UBASH3B: variants seen among roughly 807,000 people sequenced by gnomAD.
UBASH3B encodes the protein ubiquitin-associated and SH3 domain-containing protein B.
Under a neutral mutation model 83.4 loss-of-function variants are expected in UBASH3B, and 37 were observed. The ratio of observed to expected loss-of-function variants is 0.44; its 90% CI spans 0.34 to 0.58. The LOEUF (loss-of-function observed/expected upper bound fraction) is 0.58, where lower values mean the gene tolerates loss of function less well. Ranked by LOEUF, UBASH3B falls within the 20% of genes least tolerant of loss-of-function variation. The pLI is 0.01. For synonymous variants in UBASH3B, 304 were observed against 318.3 expected, an observed-to-expected ratio of 0.96 and a Z score of 0.48; for missense variants, 657 against 827.2, an observed-to-expected ratio of 0.79 and a Z score of 2.52.
intron 1 of UBASH3B, among the ~76,000 whole-genome samples, chr11:122,732,856 A>T (rs1860865203): frequency 2.6e-5 from 4 of 152,234 alleles, no homozygotes; most frequent in Admixed American, 2.6e-4. Context: ...ATAGATTCTA[A>T]TCAATAGCTC....
At chr11:122,704,940 G>A (rs908634885) in intron 1 of UBASH3B, among the ~76,000 whole-genome samples, 3 of 152,268 alleles carry the variant, frequency 2.0e-5, no homozygotes, top group South Asian at 4.1e-4. Context: ...AGAAAAGAAG[G>A]TCACTCTGAT....
intron 1 of UBASH3B, among the ~76,000 whole-genome samples, chr11:122,719,776 C>A (rs1860590308): frequency 6.6e-6 from 1 of 152,184 alleles, no homozygotes; most frequent in South Asian, 2.1e-4. Context: ...GTCACACTGC[C>A]CCCCAAAGCT....
intron 1 of UBASH3B, among the ~76,000 whole-genome samples, chr11:122,697,900 A>G (rs1288604445): frequency 6.6e-6 from 1 of 152,164 alleles, no homozygotes; most frequent in Non-Finnish European, 1.5e-5. Flanking sequence ...TCCTCATTTA[A>G]TTCTCAAACA....
chr11:122,699,314 A>G (rs77446576), intron 1 of UBASH3B, among the ~76,000 whole-genome samples: 1 of 152,162 alleles, frequency 6.6e-6, no homozygotes, highest in Non-Finnish European at 1.5e-5. Context: ...AGAACTCACA[A>G]CTCAGAGGAG....
At chr11:122,751,069 C>T (rs1861191258) in intron 1 of UBASH3B, among the ~76,000 whole-genome samples, 1 of 151,952 alleles carries the variant, frequency 6.6e-6, no homozygotes, top group South Asian at 2.1e-4. Flanking sequence ...AAGAACCGTA[C>T]CACGCGCCTG....
rs1389342371 is a variant in UBASH3B at position 122,777,059 on chromosome 11, AC to A, written c.256del (p.Leu86CysfsTer15). The A allele has an allele frequency of 1.2e-6, 2 of 1,611,370 alleles. No homozygotes were observed. Among genetic ancestry groups the A allele is most frequent in the Non-Finnish European group, 1.7e-6 (2 of 1,178,956 alleles). ...CATGTCGGTGACCCCTTCCTGGATG[AC>A]CCCCTGCCCCGGGAGTACGTCCTCT... ...FSHVGDPFLD[D>X]PLPREYVLYL... On this transcript the variant is annotated frameshift_variant, in exon 3 of 14. Transcript: ENST00000284273. LOFTEE classifies it high-confidence loss of function.
chr11:122,791,776 A>G (rs931453632), intron 6 of UBASH3B, among the ~76,000 whole-genome samples: 3 of 152,194 alleles, frequency 2.0e-5, no homozygotes, highest in African/African-American at 4.8e-5. Flanking sequence ...CTGGGGGTCA[A>G]TGATTTTGAC....
chr11:122,661,753 C>A (rs1037848221), intron 1 of UBASH3B, among the ~76,000 whole-genome samples: 3 of 151,484 alleles, frequency 2.0e-5, no homozygotes, highest in Non-Finnish European at 4.4e-5. Context: ...GAGTTCAGGA[C>A]GTGTCTAGAG....
chr11:122,692,032 G>A (rs925735192), intron 1 of UBASH3B, among the ~76,000 whole-genome samples: 4 of 152,136 alleles, frequency 2.6e-5, no homozygotes, highest in Non-Finnish European at 4.4e-5. Flanking sequence ...TTCAGGCCTC[G>A]TTCCATGTGC....
intron 1 of UBASH3B, among the ~76,000 whole-genome samples, chr11:122,697,464 A>G (rs1863978215): frequency 6.6e-6 from 1 of 152,174 alleles, no homozygotes; most frequent in Admixed American, 6.6e-5. Context: ...ATCCCAGTAT[A>G]TGGTCTGCAC....
At chr11:122,794,550 T>C in intron 6 of UBASH3B, 152 bp from the exon 7 acceptor site, 1 of 965,986 alleles carries the variant, frequency 1.0e-6, no homozygotes, top group East Asian at 2.5e-5. Context: ...TATTTTTCCC[T>C]TAGGAATGAG....
At chr11:122,699,531 CTCTTTCTTTCTT>C (rs60346108) in intron 1 of UBASH3B, among the ~76,000 whole-genome samples, 5,644 of 107,862 alleles carry the variant, frequency 0.052, 125 homozygotes, top group South Asian at 0.074. Context: ...TTCTTTCTTT[CTCTTTCTTTCTT>C]TCTTTCTTTC....
chr11:122,790,964 A>G (rs2135164384), intron 6 of UBASH3B, among the ~76,000 whole-genome samples: 1 of 151,570 alleles, frequency 6.6e-6, no homozygotes, highest in Non-Finnish European at 1.5e-5. Flanking sequence ...AAAAAAAAAA[A>G]GTGGAGGTAT....
At chr11:122,735,640 A>C (rs183700770) in intron 1 of UBASH3B, among the ~76,000 whole-genome samples, 2 of 152,356 alleles carry the variant, frequency 1.3e-5, no homozygotes, top group Non-Finnish European at 2.9e-5. Context: ...AGTAGCAACA[A>C]CTAATTCCAC....
intron 1 of UBASH3B, among the ~76,000 whole-genome samples, chr11:122,730,504 C>G (rs908972047): frequency 6.6e-6 from 1 of 152,176 alleles, no homozygotes; most frequent in African/African-American, 2.4e-5. Context: ...AAGCCAAACC[C>G]CCTCACAGAG....
chr11:122,687,580 C>T (rs1863825213), intron 1 of UBASH3B, among the ~76,000 whole-genome samples: 1 of 152,184 alleles, frequency 6.6e-6, no homozygotes, highest in Non-Finnish European at 1.5e-5. Flanking sequence ...ACTGCATGTC[C>T]TCTGCTATGC....
At position 122,811,154 on chromosome 11, in the gene UBASH3B, C is replaced by CAATCAA. The variant is rs1298846007; in HGVS notation, c.*1270_*1275dup. ...GAGTTTATTTAAAAGAAATAAATGA[C>CAATCAA]AATCAAACCAAATCATCAGTTATCA... is the stretch of plus-strand genomic sequence containing the variant. On this transcript the variant is annotated 3_prime_UTR_variant, in exon 14 of 14. Transcript: ENST00000284273. The CAATCAA allele has an allele frequency of 6.6e-6, 1 of 152,610 alleles. No homozygotes were observed. Among genetic ancestry groups the CAATCAA allele is most frequent in the Non-Finnish European group, 1.5e-5 (1 of 68,040 alleles). The allele number at this position is 152,610 out of a possible 1,614,324, so 9.5% of individuals were successfully genotyped here.
At chr11:122,778,015 C>T (rs1440031996) in intron 3 of UBASH3B, among the ~76,000 whole-genome samples, 1 of 152,166 alleles carries the variant, frequency 6.6e-6, no homozygotes, top group Non-Finnish European at 1.5e-5. Context: ...TAGGCATGAG[C>T]CACCATGCCT....
intron 1 of UBASH3B, among the ~76,000 whole-genome samples, chr11:122,761,779 CTTTTTTTTT>C (rs138806467): frequency 9.2e-5 from 6 of 65,378 alleles, no homozygotes; most frequent in African/African-American, 2.0e-4. Flanking sequence ...CTCCCAGATC[CTTTTTTTTT>C]TTTTTTTTTT....
Sources: allele counts gnomAD v4.1 joint callset (sites outside exome capture counted in the v4.1 genomes callset), GRCh38; gene constraint gnomAD v4.1.1; transcripts MANE v1.5; gene names NCBI Gene and HGNC (gene_info 2026-07-23, HGNC 2026-07-21).